The following FAT1 variants were observed in gnomAD, a reference collection of about 807,000 sequenced individuals.
The protein encoded by FAT1 is FAT atypical cadherin 1.
Under a neutral mutation model 329.8 loss-of-function variants are expected in FAT1, and 171 were observed. The observed-to-expected ratio is 0.52, with a 90% CI of 0.46 to 0.59. The LOEUF (loss-of-function observed/expected upper bound fraction) is 0.59. Ranked by LOEUF, FAT1 falls within the 20% of genes least tolerant of loss-of-function variation. The pLI is 0.00. For synonymous variants in FAT1, 2,233 were observed against 2,228.6 expected, an observed-to-expected ratio of 1.00 and a Z score of -0.06; for missense variants, 5,672 against 5,774.4, an observed-to-expected ratio of 0.98 and a Z score of 0.57.
chr4:186,668,658 T>C (rs908596781), intron 2 of FAT1, among the ~76,000 whole-genome samples: 1 of 152,192 alleles, frequency 6.6e-6, no homozygotes, highest in African/African-American at 2.4e-5. Flanking sequence ...GCAGTTCTTG[T>C]TCCTACACTT....
intron 1 of FAT1, among the ~76,000 whole-genome samples, chr4:186,719,248 G>A (rs762105966): frequency 2.6e-5 from 4 of 152,064 alleles, no homozygotes; most frequent in Admixed American, 6.5e-5. Context: ...CAAACACCTC[G>A]TAACATTCCT....
intron 16 of FAT1, 122 bp from the exon 17 acceptor site, chr4:186,606,335 C>CGCTCACAGGCAGGATGCAA: frequency 2.0e-6 from 2 of 1,020,246 alleles, no homozygotes; most frequent in Non-Finnish European, 1.4e-6. Flanking sequence ...TCTGTTGCAT[C>CGCTCACAGGCAGGATGCAA]CTGCCTGTGA....
chr4:186,667,815 G>A (rs1354312593), intron 2 of FAT1, among the ~76,000 whole-genome samples: 1 of 152,218 alleles, frequency 6.6e-6, no homozygotes, highest in African/African-American at 2.4e-5. Context: ...CTGGAGTGAT[G>A]AGGAAACAAG....
chr4:186,623,302 G>C (rs1453234914), intron 9 of FAT1, among the ~76,000 whole-genome samples: 1 of 152,156 alleles, frequency 6.6e-6, no homozygotes, highest in East Asian at 1.9e-4. Flanking sequence ...AGTGATCCCA[G>C]GTCCTTCCTG....
At chr4:186,595,934 C>T (rs916064146) in intron 25 of FAT1, 108 bp from the exon 26 acceptor site, 1 of 1,162,502 alleles carries the variant, frequency 8.6e-7, no homozygotes, top group African/African-American at 1.5e-5. Context: ...GAGATTTACT[C>T]AATAAATGAA....
At chr4:186,592,931 TTTTTAATCGAGCTATATA>T (rs1232023983) in intron 26 of FAT1, among the ~76,000 whole-genome samples, 2 of 152,224 alleles carry the variant, frequency 1.3e-5, no homozygotes, top group African/African-American at 4.8e-5. Flanking sequence ...CTCAGAGACT[TTTTTAATCGAGCTATATA>T]TTTGTTATTA....
intron 3 of FAT1, among the ~76,000 whole-genome samples, chr4:186,648,519 G>A (rs992607668): frequency 2.0e-5 from 3 of 152,124 alleles, no homozygotes; most frequent in Non-Finnish European, 2.9e-5. Flanking sequence ...GATCACGGGT[G>A]CTAAGTATCC....
intron 2 of FAT1, among the ~76,000 whole-genome samples, chr4:186,692,103 C>G (rs142135746): frequency 0.028 from 4,310 of 152,138 alleles, 99 homozygotes; most frequent in Non-Finnish European, 0.044. Context: ...ACATCCACTC[C>G]CAAAATTTCC....
intron 9 of FAT1, 125 bp downstream of exon 9, chr4:186,628,029 G>A: frequency 9.9e-7 from 1 of 1,010,786 alleles, no homozygotes; most frequent in Non-Finnish European, 1.4e-6. Context: ...TGTATCTAGA[G>A]ATCAATTTAA....
intron 2 of FAT1, among the ~76,000 whole-genome samples, chr4:186,675,622 G>T (rs529144132): frequency 1.3e-5 from 2 of 151,830 alleles, no homozygotes; most frequent in Non-Finnish European, 2.9e-5. Context: ...CAAAAAATTT[G>T]CCAAGCATGG....
intron 2 of FAT1, among the ~76,000 whole-genome samples, chr4:186,666,526 T>A (rs1579415727): frequency 6.6e-6 from 1 of 152,208 alleles, no homozygotes; most frequent in Non-Finnish European, 1.5e-5. Flanking sequence ...TAAAATGCAA[T>A]AAAATTCACT....
intron 2 of FAT1, among the ~76,000 whole-genome samples, chr4:186,683,187 G>A (rs1439420627): frequency 6.6e-6 from 1 of 152,174 alleles, no homozygotes; most frequent in South Asian, 2.1e-4. Flanking sequence ...CTCCATCTAA[G>A]GAGGCCATGC....
intron 17 of FAT1, among the ~76,000 whole-genome samples, chr4:186,605,276 G>C (rs556778541): frequency 7.5e-6 from 1 of 134,124 alleles, no homozygotes; most frequent in East Asian, 2.3e-4. Flanking sequence ...GGAGGAGAAA[G>C]AGAAGAGGTT....
In FAT1 at chr4:186,709,707, CGTT is replaced by C; in HGVS notation, c.118_120del (p.Asn40del). ...GCTGCAGAGTTCTCCTGCACGGTGA[CGTT>C]GTACTCGAGGTGTGTAAACTGCAGA... On this transcript the variant is annotated inframe_deletion, in exon 2 of 27. Transcript: ENST00000441802. The C allele has an allele frequency of 6.2e-7, 1 of 1,613,936 alleles. No homozygotes were observed. Among genetic ancestry groups the C allele is most frequent in the Non-Finnish European group, 8.5e-7 (1 of 1,179,872 alleles).
At chr4:186,661,825 C>T (rs555965769) in intron 3 of FAT1, among the ~76,000 whole-genome samples, 17 of 152,076 alleles carry the variant, frequency 1.1e-4, no homozygotes, top group African/African-American at 3.9e-4. Flanking sequence ...TGGGAACCCT[C>T]GCTTGGAGCT....
chr4:186,652,440 G>A (rs1319959262), intron 3 of FAT1, among the ~76,000 whole-genome samples: 2 of 152,086 alleles, frequency 1.3e-5, no homozygotes, highest in Admixed American at 6.5e-5. Context: ...ACCAATTTGC[G>A]GAGGAAAAAG....
intron 11 of FAT1, among the ~76,000 whole-genome samples, chr4:186,616,540 T>TC (rs1452545738): frequency 6.6e-6 from 1 of 152,070 alleles, no homozygotes; most frequent in Non-Finnish European, 1.5e-5. Flanking sequence ...GAGCAGCCCT[T>TC]CCTACGTCTA....
Position 186,614,215 on chromosome 4 carries a change from T to C in FAT1, c.9205A>G (p.Lys3069Glu). ...CCTGTGTCTGGATTTAGTTTGAATT[T>C]TTCTGCACCTGAACCCAATAACGTG... ...TYTLLGSGAE[K>E]FKLNPDTGEL... Residue 3069 changes from lysine to glutamate, a missense_variant, in exon 12 of 27, where the codon AAA (lysine) becomes GAA (glutamate). This residue lies in a region of FAT1 where 3,966 missense variants were observed against 3,915.2 expected (regional missense o/e 1.01). Coordinates refer to ENST00000441802, the MANE Select transcript of FAT1 (RefSeq NM_005245.4). The C allele has an allele frequency of 6.3e-7, 1 of 1,599,684 alleles. No individual in the cohort carries two copies. Among genetic ancestry groups the C allele is most frequent in the Admixed American group, 1.8e-5 (1 of 55,892 alleles).
chr4:186,604,516 G>A lies in FAT1; in HGVS notation c.10409C>T (p.Ser3470Phe), dbSNP rs2126439592. The change falls in exon 18 of 27, where the codon TCC (serine) becomes TTC (phenylalanine). Residue 3470 changes from serine to phenylalanine, a missense_variant. By Grantham distance (155) the Ser-to-Phe change is radical. Transcript: ENST00000441802. ...AAAGAAGAAGGGTGGACCGTTATGG[G>A]AAGAATCCTCATCTGTTACTACCAG... ...LQLVVTDEDS[S>F]HNGPPFFFTI... 1 of 1,613,732 alleles carries A rather than the reference G, an allele frequency of 6.2e-7. No homozygotes were observed. Among genetic ancestry groups the A allele is most frequent in the Non-Finnish European group, 8.5e-7 (1 of 1,179,692 alleles).
Sources: gnomAD v4.1 joint callset for allele counts (sites outside exome capture counted in the v4.1 genomes callset) on GRCh38, gnomAD v4.1.1 for gene constraint, gnomAD v4.1.1 regional missense constraint, MANE v1.5 for transcripts, NCBI Gene and HGNC (gene_info 2026-07-23, HGNC 2026-07-21) for gene names.